The following LRRC4C variants were observed in gnomAD, a reference collection of about 807,000 sequenced individuals.
LRRC4C encodes leucine-rich repeat-containing protein 4C.
LRRC4C carries 5 observed loss-of-function variants against 33.6 expected under a neutral mutation model. That is an observed-to-expected ratio of 0.15 (90% confidence interval 0.08 to 0.31). The LOEUF (loss-of-function observed/expected upper bound fraction) is 0.31, where lower values mean the gene tolerates loss of function less well. Ranked by LOEUF, LRRC4C falls within the 10% of genes least tolerant of loss-of-function variation. The pLI is 1.00. For missense variants in LRRC4C, 560 were observed against 796.7 expected (o/e 0.70, Z 3.58); for synonymous variants, 329 against 302.0 (o/e 1.09, Z -0.93).
At chr11:40,957,994 G>A (rs1959037583) in intron 1 of LRRC4C, among the ~76,000 whole-genome samples, 2 of 151,542 alleles carry the variant, frequency 1.3e-5, no homozygotes, top group African/African-American at 4.8e-5. Context: ...ACGTCCTAAG[G>A]GTGGAGGCTT....
intron 1 of LRRC4C, among the ~76,000 whole-genome samples, chr11:41,249,581 T>C (rs1180113026): frequency 6.6e-6 from 1 of 152,128 alleles, no homozygotes; most frequent in Non-Finnish European, 1.5e-5. Flanking sequence ...CTCCCCAGCT[T>C]ACACATCAGG....
chr11:41,361,516 T>A (rs1314559602), intron 1 of LRRC4C, among the ~76,000 whole-genome samples: 1 of 152,208 alleles, frequency 6.6e-6, no homozygotes, highest in Non-Finnish European at 1.5e-5. Flanking sequence ...CTTCTAAGCA[T>A]TCTATTTATT....
chr11:40,999,795 C>T (rs756573531), intron 1 of LRRC4C, among the ~76,000 whole-genome samples: 1 of 151,920 alleles, frequency 6.6e-6, no homozygotes, highest in Non-Finnish European at 1.5e-5. Context: ...TTTTTGGAAG[C>T]ACAAAATAAG....
At chr11:41,119,095 C>T (rs1942292013) in intron 1 of LRRC4C, among the ~76,000 whole-genome samples, 1 of 132,622 alleles carries the variant, frequency 7.5e-6, no homozygotes. Flanking sequence ...CTTTGCCTTC[C>T]CTCTTGATTT....
chr11:40,710,833 G>A lies in LRRC4C; in HGVS notation c.-406-62555C>T, dbSNP rs575754017. On this transcript the variant is annotated intron_variant, in intron 2 of 6. Coordinates refer to ENST00000528697, the MANE Select transcript of LRRC4C (RefSeq NM_001258419.2). Reference sequence around the variant, plus strand: ...GAGTCTACAGAGGCAGGCAGGCCTCGTTGAGCTGAGGTGGGCTCCACCCAG... The same window carrying A: ...GAGTCTACAGAGGCAGGCAGGCCTCATTGAGCTGAGGTGGGCTCCACCCAG... Among the ~76,000 whole-genome samples the A allele has an allele frequency of 5.9e-4, 90 of 152,276 alleles. 1 individual carries two copies. The highest frequency in any genetic ancestry group is 3.9e-3 in the East Asian group (20 of 5,166).
intron 2 of LRRC4C, among the ~76,000 whole-genome samples, chr11:40,686,846 A>C (rs1944983726): frequency 6.6e-6 from 1 of 152,038 alleles, no homozygotes; most frequent in African/African-American, 2.4e-5. Flanking sequence ...TCAACACTCC[A>C]AGAGACATCT....
chr11:40,938,278 A>T (rs1367590262), intron 1 of LRRC4C, among the ~76,000 whole-genome samples: 1 of 152,056 alleles, frequency 6.6e-6, no homozygotes, highest in Non-Finnish European at 1.5e-5. Context: ...CTCCATTTGG[A>T]TGAGTGCACC....
chr11:40,473,734 T>C (rs949183754), intron 3 of LRRC4C, among the ~76,000 whole-genome samples: 4 of 152,194 alleles, frequency 2.6e-5, no homozygotes, highest in African/African-American at 9.7e-5. Context: ...CTCCTTAAGC[T>C]GCCAAGCAAC....
At chr11:40,504,174 C>T (rs1199005745) in intron 3 of LRRC4C, among the ~76,000 whole-genome samples, 2 of 151,638 alleles carry the variant, frequency 1.3e-5, no homozygotes, top group Non-Finnish European at 2.9e-5. Context: ...TTTTTTTTAA[C>T]ATTTATCATC....
chr11:40,794,584 G>A (rs1218808240), intron 2 of LRRC4C, among the ~76,000 whole-genome samples: 2 of 152,222 alleles, frequency 1.3e-5, no homozygotes, highest in East Asian at 1.9e-4. Context: ...CGCTGTTTCC[G>A]TCTGTTGAAC....
At chr11:40,477,323 A>T (rs977089363) in intron 3 of LRRC4C, among the ~76,000 whole-genome samples, 3 of 151,832 alleles carry the variant, frequency 2.0e-5, no homozygotes, top group African/African-American at 7.3e-5. Flanking sequence ...AAAAAATCAG[A>T]CTCCTTAATT....
At chr11:40,287,525 C>T (rs895750154) in intron 4 of LRRC4C, among the ~76,000 whole-genome samples, 1 of 152,044 alleles carries the variant, frequency 6.6e-6, no homozygotes. Context: ...ATAACAAAAC[C>T]TTTGCATTCA....
At chr11:40,590,637 G>C (rs1458683024) in intron 3 of LRRC4C, among the ~76,000 whole-genome samples, 1 of 151,192 alleles carries the variant, frequency 6.6e-6, no homozygotes, top group African/African-American at 2.4e-5. Context: ...TGATGATGGT[G>C]ATGTACAGAT....
chr11:40,630,358 TC>T (rs140726664), intron 3 of LRRC4C, among the ~76,000 whole-genome samples: 23 of 42,292 alleles, frequency 5.4e-4, no homozygotes, highest in Non-Finnish European at 8.8e-4. Context: ...TTCTTCTTCT[TC>T]TTCTTCTTCT....
intron 3 of LRRC4C, among the ~76,000 whole-genome samples, chr11:40,375,151 T>C (rs1268055825): frequency 6.6e-6 from 1 of 152,202 alleles, no homozygotes; most frequent in African/African-American, 2.4e-5. Context: ...TAAGGCTCTG[T>C]AGTCAGCCAC....
chr11:41,241,292 C>A (rs1363985695), intron 1 of LRRC4C, among the ~76,000 whole-genome samples: 1 of 152,020 alleles, frequency 6.6e-6, no homozygotes, highest in Non-Finnish European at 1.5e-5. Flanking sequence ...TCAAATTTTC[C>A]AAGACATGTT....
chr11:41,150,526 T>A (rs1806181344), intron 1 of LRRC4C, among the ~76,000 whole-genome samples: 1 of 152,100 alleles, frequency 6.6e-6, no homozygotes, highest in South Asian at 2.1e-4. Context: ...GCGCGGTGGC[T>A]CACGCCTGTA....
intron 3 of LRRC4C, among the ~76,000 whole-genome samples, chr11:40,336,562 C>G (rs1946613100): frequency 6.6e-6 from 1 of 152,158 alleles, no homozygotes; most frequent in African/African-American, 2.4e-5. Context: ...CTGTATTACG[C>G]TGTTAAAATT....
At chr11:40,784,446 A>C (rs941509232) in intron 2 of LRRC4C, among the ~76,000 whole-genome samples, 10 of 152,186 alleles carry the variant, frequency 6.6e-5, no homozygotes, top group Admixed American at 6.5e-4. Flanking sequence ...AGCAAAAGCA[A>C]AATAGTCAAT....
Sources: gnomAD v4.1 joint callset for allele counts (sites outside exome capture counted in the v4.1 genomes callset) on GRCh38, gnomAD v4.1.1 for gene constraint, MANE v1.5 for transcripts, NCBI Gene and HGNC (gene_info 2026-07-23, HGNC 2026-07-21) for gene names.